TUSC3: variants seen among roughly 807,000 people sequenced by gnomAD.
TUSC3 encodes tumor suppressor candidate 3, also known as dolichyl-diphosphooligosaccharide--protein glycosyltransferase subunit TUSC3.
Under a neutral mutation model 44.8 loss-of-function variants are expected in TUSC3, and 45 were observed. The observed-to-expected ratio is 1.00, with a 90% CI of 0.79 to 1.29. The LOEUF is 1.29. Ranked by LOEUF, TUSC3 falls within the 50% of genes most tolerant of loss-of-function variation. The pLI, the probability that TUSC3 is intolerant of heterozygous loss-of-function variation, is 0.00. For missense variants in TUSC3, 519 were observed against 437.9 expected (o/e 1.19, Z -1.65); for synonymous variants, 212 against 152.9 (o/e 1.39, Z -2.85).
At chr8:15,835,596 T>C in the TUSC3 span, among the ~76,000 whole-genome samples, 1 of 152,148 alleles carries the variant, frequency 6.6e-6, no homozygotes, top group Non-Finnish European at 1.5e-5. Flanking sequence ...AGTTCAAGTT[T>C]TATTTTATTG....
At chr8:15,758,197 A>C in intron 10 of TUSC3, 3 of 1,022,970 alleles carry the variant, frequency 2.9e-6, no homozygotes, top group Non-Finnish European at 3.5e-6. Flanking sequence ...TCTAGGAAAA[A>C]TGTAGCCAAA....
chr8:15,743,515 G>A (rs373855026), intron 7 of TUSC3, 23 bp from the exon 8 acceptor site: 10 of 1,612,882 alleles, frequency 6.2e-6, no homozygotes, highest in Admixed American at 1.7e-5. Flanking sequence ...CTATGTCTAC[G>A]GCTTCCTTGA....
At chr8:15,833,002 T>C in the TUSC3 span, among the ~76,000 whole-genome samples, 6 of 152,084 alleles carry the variant, frequency 3.9e-5, no homozygotes, top group Non-Finnish European at 8.8e-5. Flanking sequence ...GACATGGCAC[T>C]TACTCTAAAA....
At chr8:15,695,004 C>T (rs1044305332) in intron 6 of TUSC3, among the ~76,000 whole-genome samples, 20 of 152,180 alleles carry the variant, frequency 1.3e-4, no homozygotes, top group African/African-American at 3.4e-4. Flanking sequence ...GCACCATTGC[C>T]GGTGTCATAG....
intron 2 of TUSC3, among the ~76,000 whole-genome samples, chr8:15,502,792 C>G (rs538714188): frequency 6.6e-6 from 1 of 152,286 alleles, no homozygotes; most frequent in South Asian, 2.1e-4. Context: ...CAGCAGGTCC[C>G]TTAGATCCCA....
At chr8:15,429,298 C>A (rs2129116581) in intron 1 of TUSC3, among the ~76,000 whole-genome samples, 1 of 152,148 alleles carries the variant, frequency 6.6e-6, no homozygotes, top group Non-Finnish European at 1.5e-5. Context: ...AGCATTATTT[C>A]TGAGGGCTCT....
At chr8:15,824,661 T>G in the TUSC3 span, among the ~76,000 whole-genome samples, 1 of 152,112 alleles carries the variant, frequency 6.6e-6, no homozygotes, top group Non-Finnish European at 1.5e-5. Flanking sequence ...TAATGTTAAA[T>G]GACGAGTTAA....
the TUSC3 span, among the ~76,000 whole-genome samples, chr8:15,847,774 T>C: frequency 6.6e-6 from 1 of 152,082 alleles, no homozygotes; most frequent in African/African-American, 2.4e-5. Context: ...TCTCATAGAG[T>C]AGCAATGGGG....
the TUSC3 span, among the ~76,000 whole-genome samples, chr8:15,801,515 A>T: frequency 6.6e-6 from 1 of 152,148 alleles, no homozygotes; most frequent in African/African-American, 2.4e-5. Context: ...GAGAAAAAAA[A>T]AGAGAGAAAT....
At chr8:15,582,574 A>G (rs1803412986) in intron 1 of TUSC3, among the ~76,000 whole-genome samples, 1 of 152,296 alleles carries the variant, frequency 6.6e-6, no homozygotes, top group East Asian at 1.9e-4. Context: ...TATAAATAAC[A>G]TTGTGAAAGT....
intron 2 of TUSC3, among the ~76,000 whole-genome samples, chr8:15,510,183 CT>C (rs1216759548): frequency 6.6e-6 from 1 of 151,654 alleles, no homozygotes; most frequent in Non-Finnish European, 1.5e-5. Flanking sequence ...ATTTGCAAAT[CT>C]TGAAAATGAA....
chr8:15,677,422 C>T (rs919481882), intron 6 of TUSC3, among the ~76,000 whole-genome samples: 9 of 152,104 alleles, frequency 5.9e-5, no homozygotes, highest in Non-Finnish European at 1.3e-4. Flanking sequence ...CATTTTTATG[C>T]CTTTGTCCTG....
intron 2 of TUSC3, among the ~76,000 whole-genome samples, chr8:15,528,955 C>T (rs1214553861): frequency 6.6e-6 from 1 of 152,152 alleles, no homozygotes; most frequent in Non-Finnish European, 1.5e-5. Flanking sequence ...TCTTTCATTA[C>T]TCCTTTGTCA....
intron 1 of TUSC3, among the ~76,000 whole-genome samples, chr8:15,423,418 G>C (rs1799762415): frequency 6.6e-6 from 1 of 152,094 alleles, no homozygotes; most frequent in Non-Finnish European, 1.5e-5. Flanking sequence ...TTTCTACCTA[G>C]TGCGTTCCAT....
At chr8:15,706,653 A>G (rs960226689) in intron 6 of TUSC3, among the ~76,000 whole-genome samples, 6 of 152,182 alleles carry the variant, frequency 3.9e-5, no homozygotes, top group South Asian at 4.1e-4. Context: ...GGATTTTAAT[A>G]CAAGATGTTA....
intron 6 of TUSC3, among the ~76,000 whole-genome samples, chr8:15,692,371 C>CCCCCCT (rs1563175839): frequency 4.8e-4 from 9 of 18,808 alleles, no homozygotes; most frequent in Non-Finnish European, 6.2e-4. Flanking sequence ...CCCCCCCCCC[C>CCCCCCT]TTTGTTTTTT....
chr8:15,646,282 T>G (rs2129173848), intron 2 of TUSC3, among the ~76,000 whole-genome samples: 1 of 152,206 alleles, frequency 6.6e-6, no homozygotes, highest in East Asian at 1.9e-4. Flanking sequence ...CACAGACTAT[T>G]TGAGTGTGGT....
chr8:15,604,104 G>A (rs1804419512), intron 1 of TUSC3, among the ~76,000 whole-genome samples: 1 of 151,602 alleles, frequency 6.6e-6, no homozygotes, highest in Non-Finnish European at 1.5e-5. Context: ...ATATGCAGAG[G>A]TTTCTAAAAC....
intron 1 of TUSC3, among the ~76,000 whole-genome samples, chr8:15,448,231 G>T (rs895510621): frequency 6.6e-6 from 1 of 151,210 alleles, no homozygotes; most frequent in African/African-American, 2.4e-5. Flanking sequence ...CAATTCTCAT[G>T]CCTCACCCTC....
Sources: allele counts gnomAD v4.1 joint callset (sites outside exome capture counted in the v4.1 genomes callset), GRCh38; gene constraint gnomAD v4.1.1; transcripts MANE v1.5; gene names NCBI Gene and HGNC (gene_info 2026-07-23, HGNC 2026-07-21).